Variants in ZNF76 observed in about 807,000 individuals in gnomAD.
ZNF76 encodes the protein zinc finger protein 523.
In ZNF76, 66 loss-of-function variants were observed where a neutral mutation model predicts 66.9. That is an observed-to-expected ratio of 0.99 (90% confidence interval 0.81 to 1.21). The LOEUF is 1.21. ZNF76 is among the 50% of genes most tolerant of loss of function. The pLI, the probability that ZNF76 is intolerant of heterozygous loss-of-function variation, is 0.00. For missense variants in ZNF76, 729 were observed against 760.3 expected (o/e 0.96, Z 0.48); for synonymous variants, 275 against 296.1 (o/e 0.93, Z 0.73).
intron 1 of ZNF76, among the ~76,000 whole-genome samples, chr6:35,274,929 C>T (rs981989106): frequency 3.3e-5 from 5 of 151,868 alleles, no homozygotes; most frequent in Admixed American, 2.6e-4. Context: ...CCAAGGTGGG[C>T]GGATCAAGAG....
intron 1 of ZNF76, among the ~76,000 whole-genome samples, chr6:35,274,328 G>A (rs1582078604): frequency 6.6e-6 from 1 of 152,208 alleles, no homozygotes; most frequent in East Asian, 1.9e-4. Flanking sequence ...AGTACAGAAA[G>A]CCTTGTTCCA....
chr6:35,261,336 TCTC>T (rs2150331534), intron 1 of ZNF76, among the ~76,000 whole-genome samples: 1 of 152,340 alleles, frequency 6.6e-6, no homozygotes, highest in South Asian at 2.1e-4. Flanking sequence ...ATCCCTATCT[TCTC>T]ATCTCTGCTG....
chr6:35,285,203 T>A (rs1275419951), intron 2 of ZNF76, among the ~76,000 whole-genome samples: 1 of 152,220 alleles, frequency 6.6e-6, no homozygotes, highest in Non-Finnish European at 1.5e-5. Context: ...TTTATGCTGC[T>A]TGTTGTGTTG....
chr6:35,282,709 T>A (rs1788953984), intron 2 of ZNF76, among the ~76,000 whole-genome samples: 1 of 152,260 alleles, frequency 6.6e-6, no homozygotes. Flanking sequence ...TTCAACACAC[T>A]CTCAGAATAT....
intron 2 of ZNF76, among the ~76,000 whole-genome samples, chr6:35,284,543 T>G (rs1789262488): frequency 6.7e-6 from 1 of 149,990 alleles, no homozygotes; most frequent in African/African-American, 2.5e-5. Flanking sequence ...GGACGACAGG[T>G]ACCTGCCTCC....
At position 35,295,701 on chromosome 6, in the gene ZNF76, A is replaced by G; in HGVS notation, c.*453A>G. ...AGCAATAACCACCTCCCTGGAGGCC[A>G]GCTGAGATGCCTGGCTACTTGGCAC... On this transcript the variant is annotated 3_prime_UTR_variant, in exon 14 of 14. Coordinates refer to ENST00000373953, the MANE Select transcript of ZNF76 (RefSeq NM_003427.5). 1 of 204,516 alleles carries G rather than the reference A, an allele frequency of 4.9e-6. No homozygotes were observed. The highest frequency in any genetic ancestry group is 1.0e-5 in the Non-Finnish European group (1 of 96,236). 12.7% of individuals were successfully genotyped at this position (204,516 alleles called of 1,614,324 possible).
chr6:35,288,360 C>T, intron 5 of ZNF76: 1 of 354,920 alleles, frequency 2.8e-6, no homozygotes. Flanking sequence ...TTATGAGGCC[C>T]ACACAGTAGC....
In ZNF76 at chr6:35,295,549, C is replaced by T. The variant is rs957333899; in HGVS notation, c.*301C>T. 2 of 403,418 alleles carry T rather than the reference C, an allele frequency of 5.0e-6. No homozygotes were observed. The highest frequency in any genetic ancestry group is 5.6e-5 in the East Asian group (1 of 17,742). The allele number at this position is 403,418 out of a possible 1,614,324, so 25.0% of individuals were successfully genotyped here. A position where few individuals can be genotyped will look rare whatever the true frequency, so the allele number is the denominator to read the frequency against. On this transcript the variant is annotated 3_prime_UTR_variant, in exon 14 of 14. Coordinates refer to ENST00000373953, the MANE Select transcript of ZNF76 (RefSeq NM_003427.5). ...CACTCTCCTCCTAAAGAACACCCTTCTGGCCCTCAGTCTGTTCCCCTTCTC... is the reference window on the plus strand; with the variant it reads ...CACTCTCCTCCTAAAGAACACCCTTTTGGCCCTCAGTCTGTTCCCCTTCTC...
intron 1 of ZNF76, among the ~76,000 whole-genome samples, chr6:35,280,645 G>A (rs529806853): frequency 6.6e-6 from 1 of 151,298 alleles, no homozygotes; most frequent in South Asian, 2.1e-4. Context: ...TATTCCACGT[G>A]TGGTACATGT....
At position 35,290,670 on chromosome 6, in the gene ZNF76, T is replaced by C; in HGVS notation, c.579T>C (p.Arg193=). The stretch of plus-strand genomic sequence containing the variant: ...ATGAACGAGCTCATACAGGTGACCG[T>C]CCATACAGATGTGACTTCCCCAGCT... ...KVHERAHTGD[R]PYRCDFPSCG... Residue 193 remains arginine (R), a synonymous_variant, in exon 7 of 14, where the codon CGT becomes CGC. Transcript: ENST00000373953. 1.2e-6 allele frequency: 2 copies of C among 1,614,196 alleles called. No individual in the cohort carries two copies. The highest frequency in any genetic ancestry group is 1.1e-5 in the South Asian group (1 of 91,088).
At chr6:35,278,251 C>T (rs1344938863) in intron 1 of ZNF76, among the ~76,000 whole-genome samples, 8 of 152,164 alleles carry the variant, frequency 5.3e-5, no homozygotes, top group Non-Finnish European at 7.3e-5. Flanking sequence ...TCACCGCAAC[C>T]TCTGCCTCCC....
At chr6:35,277,731 C>T (rs892531751) in intron 1 of ZNF76, among the ~76,000 whole-genome samples, 2 of 152,144 alleles carry the variant, frequency 1.3e-5, no homozygotes, top group African/African-American at 4.8e-5. Flanking sequence ...GTATTGCTGC[C>T]CTTGCACCTT....
intron 1 of ZNF76, among the ~76,000 whole-genome samples, chr6:35,262,574 AG>A (rs2150333525): frequency 6.6e-6 from 1 of 152,232 alleles, no homozygotes; most frequent in South Asian, 2.1e-4. Flanking sequence ...CCTTAGCCCC[AG>A]GAATCCACAA....
rs764500773 is a variant in ZNF76, at chr6:35,270,906, C to T, written c.-96-10150C>T. Reference sequence around the variant, plus strand: ...ATTACATAAAAAGCACTGTTGAACCCGGGAGGCAGAGGTTGCAGTGAGCCA... The same window carrying T: ...ATTACATAAAAAGCACTGTTGAACCTGGGAGGCAGAGGTTGCAGTGAGCCA... On this transcript the variant is annotated intron_variant, in intron 1 of 13. Coordinates refer to ENST00000373953, the MANE Select transcript of ZNF76 (RefSeq NM_003427.5). 3.9e-5 allele frequency among the ~76,000 whole-genome samples: 6 copies of T among 152,212 alleles called. No homozygotes were observed. The East Asian group carries it at 5.8e-4, about 15-fold the overall frequency.
At chr6:35,294,211 C>A (rs544309221) in intron 12 of ZNF76, 2 of 583,826 alleles carry the variant, frequency 3.4e-6, no homozygotes, top group Admixed American at 6.3e-5. Flanking sequence ...ATTAAAATAT[C>A]TCTGGAATTT....
chr6:35,273,873 AT>A (rs1253461709), intron 1 of ZNF76, among the ~76,000 whole-genome samples: 2 of 146,744 alleles, frequency 1.4e-5, no homozygotes, highest in Non-Finnish European at 3.0e-5. Context: ...GAAAAAAAAA[AT>A]TGAAGAAAAA....
Position 35,286,142 on chromosome 6 carries a change from G to A in ZNF76, c.88G>A (p.Glu30Lys). ...ACTCTTAACAGGAGAGAAGCTTCTT[G>A]AAGGGCAGGTGATCCAGCTCGAGGA... ...QQAVKGEKLLEGQVIQLEDGT... is the reference protein window; with the variant it reads ...QQAVKGEKLLKGQVIQLEDGT... Residue 30 changes from glutamate to lysine, a missense_variant, in exon 3 of 14, where the codon GAA (glutamate) becomes AAA (lysine). Coordinates refer to ENST00000373953, the MANE Select transcript of ZNF76 (RefSeq NM_003427.5). 1 of 1,614,144 alleles carries A rather than the reference G, an allele frequency of 6.2e-7. No individual in the cohort carries two copies. The highest frequency in any genetic ancestry group is 8.5e-7 in the Non-Finnish European group (1 of 1,180,018).
At chr6:35,273,846 T>A in intron 1 of ZNF76, among the ~76,000 whole-genome samples, 1 of 107,616 alleles carries the variant, frequency 9.3e-6, no homozygotes, top group African/African-American at 5.2e-5. Context: ...AAATGGCGCT[T>A]CTTCTTTTAA....
rs754015499 is a variant in ZNF76, at chr6:35,292,938, C to T, written c.1223C>T (p.Ser408Leu). The change falls in exon 11 of 14, where the codon TCG (serine) becomes TTG (leucine). Residue 408 changes from serine to leucine, a missense_variant. Ser to Leu is a moderately radical substitution (Grantham distance 145). Transcript: ENST00000373953. The surrounding 1 kb of genome is among the most constrained non-coding windows in gnomAD (Gnocchi z 4.7). ...PPKRPRIAYL[S>L]EVKEERDDIP... is the part of the protein sequence containing the mutation. ...AAACGACCCCGGATAGCTTACCTTTCGGAGGTGAAGGAAGAGAGAGATGAC... is the reference window on the plus strand; with the variant it reads ...AAACGACCCCGGATAGCTTACCTTTTGGAGGTGAAGGAAGAGAGAGATGAC... The T allele has an allele frequency of 1.1e-5, 17 of 1,614,070 alleles. No homozygotes were observed. Among genetic ancestry groups the T allele is most frequent in the South Asian group, 7.7e-5 (7 of 91,082 alleles).
Sources: gnomAD v4.1 joint callset for allele counts (sites outside exome capture counted in the v4.1 genomes callset) on GRCh38, gnomAD v4.1.1 for gene constraint, Gnocchi (gnomAD v3.1) non-coding constraint, MANE v1.5 for transcripts, NCBI Gene and HGNC (gene_info 2026-07-23, HGNC 2026-07-21) for gene names.